SND1: variants seen among roughly 807,000 people sequenced by gnomAD.
The protein encoded by SND1 is staphylococcal nuclease domain-containing protein 1.
A neutral mutation model predicts 121.7 loss-of-function variants in SND1; 38 were observed. The ratio of observed to expected loss-of-function variants is 0.31; its 90% confidence interval spans 0.24 to 0.41. The LOEUF (loss-of-function observed/expected upper bound fraction) is 0.41, where lower values mean the gene tolerates loss of function less well. Ranked by LOEUF, SND1 falls within the 10% of genes least tolerant of loss-of-function variation. The probability of loss-of-function intolerance (pLI) is 1.00; values close to 1 mark genes in which losing one functional copy is unlikely to be tolerated. For missense variants in SND1, 868 were observed against 1,184.6 expected (o/e 0.73, Z 3.92); for synonymous variants, 401 against 447.4 (o/e 0.90, Z 1.31).
At chr7:127,773,726 G>A (rs752987651) in intron 10 of SND1, among the ~76,000 whole-genome samples, 1 of 152,032 alleles carries the variant, frequency 6.6e-6, no homozygotes, top group Non-Finnish European at 1.5e-5. Flanking sequence ...TTGTGCCCTC[G>A]CAGAAGAGAT....
intron 14 of SND1, among the ~76,000 whole-genome samples, chr7:127,913,100 A>G (rs117873235): frequency 0.015 from 2,263 of 152,288 alleles, 26 homozygotes; most frequent in Non-Finnish European, 0.023. Flanking sequence ...TAGCTCTGCA[A>G]TTCAACACCT....
intron 15 of SND1, among the ~76,000 whole-genome samples, chr7:127,984,086 G>A (rs1227925293): frequency 3.3e-5 from 5 of 152,088 alleles, no homozygotes; most frequent in Non-Finnish European, 7.4e-5. Context: ...AGGTCTCCAC[G>A]CCCCTGAGTC....
At chr7:127,672,505 C>T (rs1053739063) in intron 1 of SND1, among the ~76,000 whole-genome samples, 1 of 151,572 alleles carries the variant, frequency 6.6e-6, no homozygotes, top group African/African-American at 2.4e-5. Context: ...AGCTACTACT[C>T]GGGGGGCTGA....
At chr7:128,084,056 C>T (rs1793649204) in intron 18 of SND1, among the ~76,000 whole-genome samples, 1 of 152,200 alleles carries the variant, frequency 6.6e-6, no homozygotes. Context: ...AGTACAGCCC[C>T]AGCCCAGCAG....
intron 10 of SND1, among the ~76,000 whole-genome samples, chr7:127,729,860 T>C (rs1473990508): frequency 6.6e-6 from 1 of 152,220 alleles, no homozygotes; most frequent in Non-Finnish European, 1.5e-5. Flanking sequence ...CCCTACCAGA[T>C]GACAGGCCAA....
At chr7:127,781,097 A>G (rs1174183790) in intron 10 of SND1, among the ~76,000 whole-genome samples, 1 of 152,232 alleles carries the variant, frequency 6.6e-6, no homozygotes, top group Non-Finnish European at 1.5e-5. Context: ...GAAGAAAATA[A>G]CTTTCTAAGA....
At chr7:128,043,328 T>C (rs1213521304) in intron 16 of SND1, among the ~76,000 whole-genome samples, 2 of 152,124 alleles carry the variant, frequency 1.3e-5, no homozygotes, top group Non-Finnish European at 2.9e-5. Flanking sequence ...ATAATATACA[T>C]GTAATAAGGC....
At chr7:127,735,785 C>A (rs1276557810) in intron 10 of SND1, among the ~76,000 whole-genome samples, 1 of 152,126 alleles carries the variant, frequency 6.6e-6, no homozygotes, top group African/African-American at 2.4e-5. Context: ...TGCCACTATG[C>A]CTGGCTAATT....
At chr7:127,927,048 G>T (rs2116814527) in intron 14 of SND1, among the ~76,000 whole-genome samples, 1 of 152,220 alleles carries the variant, frequency 6.6e-6, no homozygotes, top group Admixed American at 6.5e-5. Context: ...TTTATGACAT[G>T]GGTAGCACTA....
intron 10 of SND1, among the ~76,000 whole-genome samples, chr7:127,740,781 C>T (rs1311196503): frequency 6.6e-6 from 1 of 152,082 alleles, no homozygotes; most frequent in Non-Finnish European, 1.5e-5. Context: ...TTAGTGTGTC[C>T]TGGGTGTCTG....
chr7:128,091,879 A>G lies in SND1; in HGVS notation c.2665A>G (p.Arg889Gly), dbSNP rs1355732603. ...TGCCCAAGAGTCAGCCAAGAGCGCCAGGGTGAGTTCTTACCTTGGGAGCCC... is the reference window on the plus strand; with the variant it reads ...TGCCCAAGAGTCAGCCAAGAGCGCCGGGGTGAGTTCTTACCTTGGGAGCCC... Reference protein sequence around the residue: ...LNAQESAKSARLNLWRYGDFR... With the variant: ...LNAQESAKSAGLNLWRYGDFR... The change falls in exon 23 of 24, where the codon AGG becomes GGG. Residue 889 changes from arginine to glycine, a missense_variant and splice_region_variant. Arg to Gly is a moderately radical substitution (Grantham distance 125). Coordinates refer to ENST00000354725, the MANE Select transcript of SND1 (RefSeq NM_014390.4). 6.2e-7 allele frequency: 1 copy of G among 1,614,100 alleles called. No homozygotes were observed. The highest frequency in any genetic ancestry group is 8.5e-7 in the Non-Finnish European group (1 of 1,180,046).
chr7:127,682,063 C>T (rs1246571331), intron 1 of SND1, among the ~76,000 whole-genome samples: 1 of 152,122 alleles, frequency 6.6e-6, no homozygotes, highest in Non-Finnish European at 1.5e-5. Context: ...CTTTTCTTTG[C>T]CCTTAGTATG....
intron 16 of SND1, among the ~76,000 whole-genome samples, chr7:128,033,664 T>A (rs995494722): frequency 4.6e-5 from 7 of 152,254 alleles, no homozygotes; most frequent in Non-Finnish European, 7.3e-5. Flanking sequence ...CTTTCTGTTA[T>A]CATTTGCTGT....
At chr7:127,840,606 A>G (rs1033616950) in intron 11 of SND1, among the ~76,000 whole-genome samples, 2 of 152,232 alleles carry the variant, frequency 1.3e-5, no homozygotes, top group Non-Finnish European at 2.9e-5. Context: ...AGATGTTGCT[A>G]AGATTTACAC....
At chr7:127,706,359 C>T (rs1026020105) in intron 8 of SND1, among the ~76,000 whole-genome samples, 4 of 148,416 alleles carry the variant, frequency 2.7e-5, no homozygotes, top group African/African-American at 5.0e-5. Flanking sequence ...CTGGTTCAAG[C>T]GATTCCTCTG....
At chr7:127,998,915 G>A (rs1484499863) in intron 16 of SND1, 3 of 152,240 alleles carry the variant, frequency 2.0e-5, no homozygotes, top group Admixed American at 6.5e-5. Flanking sequence ...TGGCTCCAGT[G>A]GGATTCCTCT....
intron 13 of SND1, chr7:127,904,370 C>A (rs1445961615): frequency 6.3e-6 from 1 of 157,640 alleles, no homozygotes; most frequent in Non-Finnish European, 1.4e-5. Flanking sequence ...TAAAATGTTT[C>A]ATGTGATTAA....
chr7:127,892,832 C>T (rs1320628358), intron 13 of SND1, among the ~76,000 whole-genome samples: 1 of 151,284 alleles, frequency 6.6e-6, no homozygotes, highest in Non-Finnish European at 1.5e-5. Flanking sequence ...GCAGCTGACC[C>T]ACAGTTCTCT....
In SND1 at chr7:128,089,500, C is replaced by T. The variant is rs1244785177; in HGVS notation, c.2430C>T (p.Arg810=). 2.5e-6 allele frequency: 4 copies of T among 1,612,678 alleles called. No individual in the cohort carries two copies. The highest frequency in any genetic ancestry group is 3.4e-6 in the Non-Finnish European group (4 of 1,178,978). The part of the protein sequence containing the change: ...FIQVPQDDDA[R]TDAVDSVVRD... ...TGTCTCTGCTCCAGGATGATGCCCG[C>T]ACGGACGCCGTGGACAGCGTAGTTC... The change falls in exon 22 of 24, where the codon CGC becomes CGT. Residue 810 remains arginine (R), a synonymous_variant. Coordinates refer to ENST00000354725, the MANE Select transcript of SND1 (RefSeq NM_014390.4).
Sources: allele counts gnomAD v4.1 joint callset (sites outside exome capture counted in the v4.1 genomes callset), GRCh38; gene constraint gnomAD v4.1.1; transcripts MANE v1.5; gene names NCBI Gene and HGNC (gene_info 2026-07-23, HGNC 2026-07-21).